EPHA3: variants seen among roughly 807,000 people sequenced by gnomAD.
The protein encoded by EPHA3 is ephrin type-A receptor 3.
In EPHA3, 42 loss-of-function variants were observed where a neutral mutation model predicts 107.1. That is an observed-to-expected ratio of 0.39 (90% confidence interval 0.31 to 0.51). The LOEUF is 0.51. Ranked by LOEUF, EPHA3 falls within the 20% of genes least tolerant of loss-of-function variation. The pLI is 0.78. For missense variants in EPHA3, 1,183 were observed against 1,211.2 expected (o/e 0.98, Z 0.35); for synonymous variants, 461 against 424.8 (o/e 1.09, Z -1.05).
intron 3 of EPHA3, among the ~76,000 whole-genome samples, chr3:89,311,490 T>C (rs1706764957): frequency 6.6e-6 from 1 of 152,012 alleles, no homozygotes; most frequent in African/African-American, 2.4e-5. Flanking sequence ...TTCTGCATTT[T>C]GTTTCCATAT....
intron 3 of EPHA3, among the ~76,000 whole-genome samples, chr3:89,328,046 C>A (rs1707206342): frequency 1.3e-5 from 2 of 151,466 alleles, no homozygotes; most frequent in African/African-American, 2.4e-5. Flanking sequence ...TGCAGTCAGC[C>A]GAGATCATGC....
intron 5 of EPHA3, among the ~76,000 whole-genome samples, chr3:89,343,402 A>G (rs1707577281): frequency 6.6e-6 from 1 of 152,144 alleles, no homozygotes; most frequent in Admixed American, 6.5e-5. Flanking sequence ...ATGCCTCTCT[A>G]CTGGTTAATT....
chr3:89,150,368 T>C (rs1236702269), intron 2 of EPHA3, among the ~76,000 whole-genome samples: 2 of 152,048 alleles, frequency 1.3e-5, no homozygotes, highest in African/African-American at 4.8e-5. Context: ...CCAAGATATA[T>C]GTAACTTTTA....
rs530210163 is a variant in EPHA3 at position 89,330,786 on chromosome 3, G to A, written c.815-10130G>A. 9.2e-5 allele frequency among the ~76,000 whole-genome samples: 14 copies of A among 152,142 alleles called. 1 individual carries two copies. Among genetic ancestry groups the A allele is most frequent in the African/African-American group, 2.6e-4 (11 of 41,518 alleles). On this transcript the variant is annotated intron_variant, in intron 3 of 16. Coordinates refer to ENST00000336596, the MANE Select transcript of EPHA3 (RefSeq NM_005233.6). ...TTTATCCCTCTAAATTTTCCGCTCT[G>A]TTTTCATTTAAAATCCTGGATTTAA...
At chr3:89,114,474 A>C (rs1707203881) in intron 1 of EPHA3, among the ~76,000 whole-genome samples, 1 of 152,270 alleles carries the variant, frequency 6.6e-6, no homozygotes, top group African/African-American at 2.4e-5. Flanking sequence ...TGAGATCATA[A>C]AAAAACATCT....
At chr3:89,312,292 A>T (rs538203127) in intron 3 of EPHA3, among the ~76,000 whole-genome samples, 2 of 150,788 alleles carry the variant, frequency 1.3e-5, no homozygotes, top group South Asian at 4.2e-4. Flanking sequence ...TTTCAAGAAA[A>T]CTCTGAAGTT....
chr3:89,360,236 T>C (rs1272532287), intron 5 of EPHA3, among the ~76,000 whole-genome samples: 1 of 150,922 alleles, frequency 6.6e-6, no homozygotes, highest in Non-Finnish European at 1.5e-5. Context: ...TGTTTTGCTC[T>C]GAAATGTGAA....
chr3:89,296,662 A>G (rs965911282), intron 3 of EPHA3, among the ~76,000 whole-genome samples: 1 of 152,180 alleles, frequency 6.6e-6, no homozygotes, highest in Non-Finnish European at 1.5e-5. Flanking sequence ...TTCAGCTTAA[A>G]GTCACCAGCT....
chr3:89,207,742 A>G (rs1296271703), intron 2 of EPHA3, among the ~76,000 whole-genome samples: 3 of 152,092 alleles, frequency 2.0e-5, no homozygotes, highest in African/African-American at 4.8e-5. Flanking sequence ...AAATTTAACT[A>G]CAATATTTAA....
chr3:89,250,553 T>C (rs193223910), intron 3 of EPHA3, among the ~76,000 whole-genome samples: 1 of 152,300 alleles, frequency 6.6e-6, no homozygotes, highest in Admixed American at 6.5e-5. Flanking sequence ...TTAAACTTGG[T>C]TATCCAGAAT....
At chr3:89,359,812 CATATATATACAT>C (rs1441860055) in intron 5 of EPHA3, among the ~76,000 whole-genome samples, 20 of 141,424 alleles carry the variant, frequency 1.4e-4, no homozygotes, top group South Asian at 8.8e-4. Context: ...CATATATATA[CATATATATACAT>C]ATATATATAC....
At position 89,351,500 on chromosome 3, in the gene EPHA3, G is replaced by C. The variant is rs1227255958; in HGVS notation, c.1306+9410G>C. Among the ~76,000 whole-genome samples, 5 of 139,028 alleles carry C rather than the reference G, an allele frequency of 3.6e-5. 1 individual carries two copies. The highest frequency in any genetic ancestry group is 2.2e-4 in the Admixed American group (3 of 13,686). 91.2% of individuals were successfully genotyped at this position (139,028 alleles called of 152,430 possible). A position where few individuals can be genotyped will look rare whatever the true frequency, so the allele number is the denominator to read the frequency against. ...TCGCGCACGGTGCGCGCACCCACTG[G>C]CCTGCGCCCACTGTCTGGCACTCCC... On this transcript the variant is annotated intron_variant, in intron 5 of 16. Coordinates refer to ENST00000336596, the MANE Select transcript of EPHA3 (RefSeq NM_005233.6).
intron 2 of EPHA3, among the ~76,000 whole-genome samples, chr3:89,204,426 A>C (rs1411822344): frequency 6.6e-6 from 1 of 151,928 alleles, no homozygotes; most frequent in Admixed American, 6.6e-5. Context: ...TCAAATCTCC[A>C]TCTTCTGTCT....
chr3:89,215,279 T>C (rs1004478418), intron 3 of EPHA3, among the ~76,000 whole-genome samples: 1 of 151,912 alleles, frequency 6.6e-6, no homozygotes, highest in African/African-American at 2.4e-5. Flanking sequence ...TTACTGGAAA[T>C]CTGTGATCAA....
At chr3:89,181,606 T>C (rs1705444213) in intron 2 of EPHA3, among the ~76,000 whole-genome samples, 1 of 152,004 alleles carries the variant, frequency 6.6e-6, no homozygotes, top group Non-Finnish European at 1.5e-5. Context: ...GCTTTTGGAT[T>C]ATTAGTGCCA....
chr3:89,290,820 A>T (rs1242875330), intron 3 of EPHA3, among the ~76,000 whole-genome samples: 2 of 152,174 alleles, frequency 1.3e-5, no homozygotes, highest in African/African-American at 4.8e-5. Context: ...TCTTTTTTAC[A>T]GTTGGGTGTC....
chr3:89,374,873 G>C (rs756271056), intron 5 of EPHA3, among the ~76,000 whole-genome samples: 4 of 151,560 alleles, frequency 2.6e-5, no homozygotes, highest in Non-Finnish European at 5.9e-5. Context: ...CAGAAAAATA[G>C]AGACTTCATT....
intron 2 of EPHA3, among the ~76,000 whole-genome samples, chr3:89,199,026 T>C (rs1349221443): frequency 1.3e-5 from 2 of 152,198 alleles, no homozygotes; most frequent in Non-Finnish European, 2.9e-5. Context: ...TTGAATATCT[T>C]TCCAAGAATT....
chr3:89,130,018 T>A (rs1704172558), intron 2 of EPHA3, among the ~76,000 whole-genome samples: 3 of 152,196 alleles, frequency 2.0e-5, no homozygotes, highest in African/African-American at 7.2e-5. Context: ...AAATTCTCAC[T>A]CTTGATTTAG....
Sources: allele counts gnomAD v4.1 joint callset (sites outside exome capture counted in the v4.1 genomes callset), GRCh38; gene constraint gnomAD v4.1.1; transcripts MANE v1.5; gene names NCBI Gene and HGNC (gene_info 2026-07-23, HGNC 2026-07-21).